The following DDX31 variants were observed in gnomAD, a reference collection of about 807,000 sequenced individuals.
DDX31 encodes DEAD-box helicase 31, also known as ATP-dependent DNA helicase DDX31.
In DDX31, 70 loss-of-function variants were observed where a neutral mutation model predicts 91.3. The observed-to-expected ratio is 0.77, with a 90% CI of 0.63 to 0.94. The LOEUF (loss-of-function observed/expected upper bound fraction) is 0.94. Among genes scored for constraint, DDX31 ranks in the 40% least tolerant of loss-of-function variants. DDX31 has a pLI of 0.00. For synonymous variants in DDX31, 362 were observed against 350.6 expected (o/e 1.03, Z -0.36); for missense variants, 902 against 925.0 (o/e 0.98, Z 0.32).
intron 13 of DDX31, among the ~76,000 whole-genome samples, chr9:132,643,094 G>A (rs2130746257): frequency 6.6e-6 from 1 of 152,286 alleles, no homozygotes; most frequent in East Asian, 1.9e-4. Context: ...AAAGTGCTAG[G>A]ATTACAGGCG....
chr9:132,625,511 A>C (rs1832339960), intron 17 of DDX31, among the ~76,000 whole-genome samples, 153 bp downstream of exon 17: 1 of 152,142 alleles, frequency 6.6e-6, no homozygotes, highest in African/African-American at 2.4e-5. Context: ...GAAAAAAAAA[A>C]AACAATCAAG....
intron 13 of DDX31, 62 bp from the exon 14 acceptor site, chr9:132,642,125 T>G: frequency 6.9e-7 from 1 of 1,442,592 alleles, no homozygotes; most frequent in Non-Finnish European, 9.7e-7. Context: ...AAGGTAGGCT[T>G]ACATCTCCCT....
intron 3 of DDX31, among the ~76,000 whole-genome samples, chr9:132,662,055 G>A (rs1176599292): frequency 6.6e-6 from 1 of 151,796 alleles, no homozygotes; most frequent in African/African-American, 2.4e-5. Context: ...GATGGGGGAA[G>A]GGGGGGCCAG....
intron 18 of DDX31, 41 bp downstream of exon 18, chr9:132,618,289 C>T (rs375841785): frequency 1.1e-4 from 177 of 1,557,442 alleles, no homozygotes; most frequent in Non-Finnish European, 1.5e-4. Flanking sequence ...GAGCACTCTG[C>T]TGGGCTATCC....
At chr9:132,623,746 A>T (rs4962200) in intron 17 of DDX31, among the ~76,000 whole-genome samples, 45,510 of 151,552 alleles carry the variant, frequency 0.3, 7,190 homozygotes, top group Middle Eastern at 0.42. Flanking sequence ...GATGAGGAAC[A>T]TGACCCTAAG....
At position 132,669,601 on chromosome 9, in the gene DDX31, T is replaced by C. The variant is rs993244301; in HGVS notation, c.75+259A>G. 375 of 1,512,052 alleles carry C rather than the reference T, an allele frequency of 2.5e-4. 2 individuals carry two copies. The highest frequency in any genetic ancestry group is 3.2e-4 in the Non-Finnish European group (368 of 1,132,310). The allele number at this position is 1,512,052 out of a possible 1,614,324, so 93.7% of individuals were successfully genotyped here. On this transcript the variant is annotated intron_variant, in intron 1 of 19. Coordinates refer to ENST00000372159, the MANE Select transcript of DDX31 (RefSeq NM_022779.9). Reference sequence around the variant, plus strand: ...CGGGAAACAGCCTCTAATTCCTTCCTTTACTTTTCTAGGCGCAGGAGCCAG... The same window carrying C: ...CGGGAAACAGCCTCTAATTCCTTCCCTTACTTTTCTAGGCGCAGGAGCCAG...
intron 12 of DDX31, 22 bp downstream of exon 12, chr9:132,646,801 C>A (rs370402891): frequency 1.2e-6 from 2 of 1,608,694 alleles, no homozygotes; most frequent in South Asian, 1.1e-5. Context: ...TGAATCAAGT[C>A]GGCTCTAGCC....
Position 132,593,327 on chromosome 9 carries a change from C to G in DDX31, c.*1539G>C, listed in dbSNP as rs1361693173. The G allele has an allele frequency of 6.6e-6, 1 of 152,218 alleles. No individual in the cohort carries two copies. Among genetic ancestry groups the G allele is most frequent in the Non-Finnish European group, 1.5e-5 (1 of 68,050 alleles). The allele number at this position is 152,218 out of a possible 1,614,324, so 9.4% of individuals were successfully genotyped here. On this transcript the variant is annotated 3_prime_UTR_variant, in exon 20 of 20. Coordinates refer to ENST00000372159, the MANE Select transcript of DDX31 (RefSeq NM_022779.9). ...GTTTCTCTTTGATCATCCCCAATCA[C>G]TGGCATTAATCCTGTTTTTCACACA...
chr9:132,601,046 T>C (rs1444901565), intron 19 of DDX31, among the ~76,000 whole-genome samples: 1 of 152,204 alleles, frequency 6.6e-6, no homozygotes, highest in African/African-American at 2.4e-5. Flanking sequence ...TGCTTGGAAC[T>C]GTTATGATTA....
chr9:132,615,212 A>G (rs931429818), intron 18 of DDX31, among the ~76,000 whole-genome samples: 1 of 152,198 alleles, frequency 6.6e-6, no homozygotes, highest in African/African-American at 2.4e-5. Context: ...AGTATCTCAC[A>G]TGGACACATC....
chr9:132,636,419 G>A lies in DDX31; in HGVS notation c.1441-4328C>T, dbSNP rs114285981. Among the ~76,000 whole-genome samples, 1,336 of 152,344 alleles carry A rather than the reference G, an allele frequency of 8.8e-3. 23 individuals are homozygous for A. Among genetic ancestry groups the A allele is most frequent in the African/African-American group, 0.03 (1,264 of 41,576 alleles). On this transcript the variant is annotated intron_variant, in intron 14 of 19. Coordinates refer to ENST00000372159, the MANE Select transcript of DDX31 (RefSeq NM_022779.9). Reference sequence around the variant, plus strand: ...AAGTGCACTGCAGTGGGAGATCCACGTAGGCACGGGCTGCTTGAGCTTCAC... The same window carrying A: ...AAGTGCACTGCAGTGGGAGATCCACATAGGCACGGGCTGCTTGAGCTTCAC...
chr9:132,617,560 TC>T lies in DDX31; in HGVS notation c.1825+769del, dbSNP rs199960787. Among the ~76,000 whole-genome samples, 1,318 of 152,250 alleles carry T rather than the reference TC, an allele frequency of 8.7e-3. 23 individuals are homozygous for T. Among genetic ancestry groups the T allele is most frequent in the African/African-American group, 0.03 (1,256 of 41,496 alleles). On this transcript the variant is annotated intron_variant, in intron 18 of 19. Transcript: ENST00000372159. ...ATAAAAAGAAAGGATGCTACAGTGT[TC>T]CGATATTGGTAAGCCAGCCTGGCAC... is the stretch of plus-strand genomic sequence containing the variant.
rs776979289 is a variant in DDX31, at chr9:132,618,386, G to T, written c.1769C>A (p.Thr590Lys). Reference sequence around the variant, plus strand: ...GGAGTGCACGTAATCTTCAAATACCGTCTGCAAGACTGTGGCTCGCTCTCG... The same window carrying T: ...GGAGTGCACGTAATCTTCAAATACCTTCTGCAAGACTGTGGCTCGCTCTCG... ...EIRERATVLQ[T>K]VFEDYVHSSE... Residue 590 changes from threonine (T) to lysine (K), a missense_variant, in exon 18 of 20, where the codon ACG (threonine) becomes AAG (lysine). By Grantham distance (78) the Thr-to-Lys change is moderately conservative. Transcript: ENST00000372159. 5 of 1,612,204 alleles carry T rather than the reference G, an allele frequency of 3.1e-6. No homozygotes were observed. Among genetic ancestry groups the T allele is most frequent in the Non-Finnish European group, 4.2e-6 (5 of 1,179,260 alleles).
intron 17 of DDX31, among the ~76,000 whole-genome samples, chr9:132,619,416 G>C (rs192701532): frequency 5.6e-4 from 85 of 152,250 alleles, no homozygotes; most frequent in Admixed American, 2.9e-3. Flanking sequence ...TCCAGAGTGA[G>C]ACCGGGTCGT....
chr9:132,629,464 G>T (rs775322203), intron 16 of DDX31, among the ~76,000 whole-genome samples: 12 of 152,252 alleles, frequency 7.9e-5, no homozygotes, highest in Non-Finnish European at 1.3e-4. Context: ...GACGGGGCAG[G>T]TGTGGTGGGG....
At chr9:132,627,169 A>G (rs563231912) in intron 16 of DDX31, among the ~76,000 whole-genome samples, 1 of 152,364 alleles carries the variant, frequency 6.6e-6, no homozygotes, top group Non-Finnish European at 1.5e-5. Flanking sequence ...CAAATCTTGA[A>G]GCAGAAAGAA....
intron 9 of DDX31, among the ~76,000 whole-genome samples, chr9:132,649,068 T>C (rs2130781665): frequency 6.6e-6 from 1 of 152,308 alleles, no homozygotes; most frequent in Non-Finnish European, 1.5e-5. Flanking sequence ...ACCATTTTCC[T>C]GTCAGTCCAC....
chr9:132,668,518 C>A (rs1297181787), intron 1 of DDX31, among the ~76,000 whole-genome samples: 2 of 151,796 alleles, frequency 1.3e-5, no homozygotes, highest in African/African-American at 2.4e-5. Context: ...GGCCCATGAT[C>A]CAGCCCTCGA....
chr9:132,625,639 G>A (rs751976063), intron 17 of DDX31, 25 bp downstream of exon 17: 19 of 1,591,208 alleles, frequency 1.2e-5, no homozygotes, highest in South Asian at 1.1e-4. Context: ...TGTTGGCAGC[G>A]AGCACAATAA....
Sources: gnomAD v4.1 joint callset for allele counts (sites outside exome capture counted in the v4.1 genomes callset) on GRCh38, gnomAD v4.1.1 for gene constraint, MANE v1.5 for transcripts, NCBI Gene and HGNC (gene_info 2026-07-23, HGNC 2026-07-21) for gene names.